Variants in MICU1 observed in about 807,000 individuals in gnomAD.
MICU1 encodes the protein calcium uptake protein 1, mitochondrial.
MICU1 carries 45 observed loss-of-function variants against 56.8 expected under a neutral mutation model. The ratio of observed to expected loss-of-function variants is 0.79; its 90% confidence interval spans 0.62 to 1.02. MICU1 has a LOEUF of 1.02. Ranked by LOEUF, MICU1 falls within the 50% of genes least tolerant of loss-of-function variation. The pLI is 0.00. For synonymous variants in MICU1, 186 were observed against 195.1 expected, an observed-to-expected ratio of 0.95 and a Z score of 0.39; for missense variants, 504 against 587.1, an observed-to-expected ratio of 0.86 and a Z score of 1.46.
At chr10:72,392,082 A>C (rs1863093979) in intron 10 of MICU1, 1 of 152,266 alleles carries the variant, frequency 6.6e-6, no homozygotes, top group Admixed American at 6.5e-5. Flanking sequence ...GATGATTTAA[A>C]AATAAAGAAA....
intron 4 of MICU1, among the ~76,000 whole-genome samples, chr10:72,535,405 C>T (rs1336280649): frequency 1.3e-5 from 2 of 151,874 alleles, no homozygotes; most frequent in African/African-American, 2.4e-5. Context: ...CAAAGGACAG[C>T]GGGATAGAAA....
intron 5 of MICU1, among the ~76,000 whole-genome samples, chr10:72,517,468 C>T (rs1395769504): frequency 1.3e-5 from 2 of 152,228 alleles, no homozygotes; most frequent in African/African-American, 2.4e-5. Flanking sequence ...TAATGGCATT[C>T]GCAGCAACTT....
intron 1 of MICU1, among the ~76,000 whole-genome samples, chr10:72,606,358 A>G (rs1841690758): frequency 6.6e-6 from 1 of 151,694 alleles, no homozygotes; most frequent in African/African-American, 2.4e-5. Context: ...CTGAAAATAC[A>G]AAAAAATTAG....
chr10:72,576,644 T>A (rs1840753216), intron 1 of MICU1, among the ~76,000 whole-genome samples: 1 of 152,202 alleles, frequency 6.6e-6, no homozygotes, highest in Admixed American at 6.5e-5. Context: ...TATCCAGATC[T>A]AGCTAAGATC....
chr10:72,588,894 A>C (rs1378001145), intron 1 of MICU1, among the ~76,000 whole-genome samples: 1 of 152,214 alleles, frequency 6.6e-6, no homozygotes, highest in Non-Finnish European at 1.5e-5. Context: ...AATTCATTGT[A>C]AAACTAACTC....
chr10:72,549,190 G>A (rs1229522389), intron 4 of MICU1, among the ~76,000 whole-genome samples: 1 of 145,666 alleles, frequency 6.9e-6, no homozygotes, highest in African/African-American at 2.5e-5. Flanking sequence ...TGTTTTTTTT[G>A]GTTTTTTTTT....
intron 4 of MICU1, among the ~76,000 whole-genome samples, chr10:72,537,018 C>A (rs139304303): frequency 3.3e-5 from 5 of 152,108 alleles, no homozygotes; most frequent in African/African-American, 4.8e-5. Flanking sequence ...GAAGATGGAA[C>A]ACATTTATGT....
chr10:72,569,398 C>T (rs1840550748), intron 1 of MICU1, among the ~76,000 whole-genome samples: 1 of 150,468 alleles, frequency 6.6e-6, no homozygotes, highest in Admixed American at 6.6e-5. Flanking sequence ...TGATGCCTGG[C>T]TAATTTTTGC....
intron 5 of MICU1, among the ~76,000 whole-genome samples, chr10:72,512,767 T>A: frequency 6.6e-6 from 1 of 152,128 alleles, no homozygotes; most frequent in African/African-American, 2.4e-5. Flanking sequence ...TGATATGATC[T>A]TGGATCACCG....
intron 2 of MICU1, among the ~76,000 whole-genome samples, chr10:72,566,245 C>T (rs1840436048): frequency 6.6e-6 from 1 of 151,930 alleles, no homozygotes; most frequent in African/African-American, 2.4e-5. Flanking sequence ...GGGTTTTTGC[C>T]ATGTTGGCCA....
intron 8 of MICU1, chr10:72,467,767 T>C (rs1865836742): frequency 6.6e-6 from 1 of 152,188 alleles, no homozygotes; most frequent in Non-Finnish European, 1.5e-5. Context: ...CTCTGAATCA[T>C]ACCTAATTTA....
chr10:72,403,670 T>TG (rs1554862082), intron 10 of MICU1, among the ~76,000 whole-genome samples: 1 of 149,588 alleles, frequency 6.7e-6, no homozygotes. Context: ...TGTGTGTGTG[T>TG]TTTGAGACGG....
intron 1 of MICU1, among the ~76,000 whole-genome samples, chr10:72,618,042 T>C (rs1030053709): frequency 3.3e-5 from 5 of 151,768 alleles, no homozygotes; most frequent in African/African-American, 9.7e-5. Flanking sequence ...GGCGCATGCC[T>C]GTAAATCCCA....
At chr10:72,372,595 T>C (rs756330358) in intron 11 of MICU1, among the ~76,000 whole-genome samples, 26 of 152,178 alleles carry the variant, frequency 1.7e-4, no homozygotes, top group Non-Finnish European at 3.2e-4. Flanking sequence ...TCCCAGCACT[T>C]TGGGAGGCTG....
intron 8 of MICU1, among the ~76,000 whole-genome samples, chr10:72,472,586 T>C (rs1865984853): frequency 6.6e-6 from 1 of 151,856 alleles, no homozygotes; most frequent in Non-Finnish European, 1.5e-5. Flanking sequence ...AAAAATCCTA[T>C]ACAGTATTTA....
chr10:72,544,782 C>T (rs1207850368), intron 4 of MICU1, among the ~76,000 whole-genome samples: 2 of 152,090 alleles, frequency 1.3e-5, no homozygotes, highest in Non-Finnish European at 2.9e-5. Context: ...TATTTTTTTC[C>T]TTTTAATGTC....
In MICU1 at chr10:72,533,021, T is replaced by G. The variant is rs1273489009; in HGVS notation, c.537+725A>C. The G allele has an allele frequency of 2.3e-6, 3 of 1,289,106 alleles. No individual in the cohort carries two copies. The Admixed American group carries it at 6.9e-5, about 30-fold the overall frequency. 79.9% of individuals were successfully genotyped at this position (1,289,106 alleles called of 1,614,324 possible). A position where few individuals can be genotyped will look rare whatever the true frequency, so the allele number is the denominator to read the frequency against. On this transcript the variant is annotated intron_variant, in intron 5 of 11. Transcript: ENST00000361114. ...TTTTCCAGCCACTCCATGATTGTCC[T>G]TCTGACTTCCTGTTCATTGTGCTTT...
intron 10 of MICU1, among the ~76,000 whole-genome samples, chr10:72,384,698 T>G (rs1375045005): frequency 1.3e-5 from 2 of 152,248 alleles, no homozygotes; most frequent in Non-Finnish European, 2.9e-5. Context: ...ACCAGGCCTC[T>G]GCAGAGAAAA....
rs374838050 is a variant in MICU1 at position 72,518,078 on chromosome 10, G to T, written c.538-9809C>A. Reference sequence around the variant, plus strand: ...GATGGAGTGTTGCTCTGTCCGCCAGGCTTGGGTGCAATGGTGAGATCTCAG... The same window carrying T: ...GATGGAGTGTTGCTCTGTCCGCCAGTCTTGGGTGCAATGGTGAGATCTCAG... On this transcript the variant is annotated intron_variant, in intron 5 of 11. Transcript: ENST00000361114. 2.6e-5 allele frequency among the ~76,000 whole-genome samples: 4 copies of T among 151,144 alleles called. No homozygotes were observed. The East Asian group carries it at 7.8e-4, about 29-fold the overall frequency.
Sources: gnomAD v4.1 joint callset for allele counts (sites outside exome capture counted in the v4.1 genomes callset) on GRCh38, gnomAD v4.1.1 for gene constraint, MANE v1.5 for transcripts, NCBI Gene and HGNC (gene_info 2026-07-23, HGNC 2026-07-21) for gene names.